Variants in ARHGEF11 observed in about 807,000 individuals in gnomAD.
ARHGEF11 encodes Rho guanine nucleotide exchange factor 11, also known as Rho guanine exchange factor (GEF) 11.
In ARHGEF11, 55 loss-of-function variants were observed where a neutral mutation model predicts 193.7. That is an observed-to-expected ratio of 0.28 (90% CI 0.23 to 0.36). The LOEUF is 0.36. Among genes scored for constraint, ARHGEF11 ranks in the 10% least tolerant of loss-of-function variants. ARHGEF11 has a pLI of 1.00. For missense variants in ARHGEF11, 1,723 were observed against 2,005.6 expected, an observed-to-expected ratio of 0.86 and a Z score of 2.69; for synonymous variants, 693 against 768.0, an observed-to-expected ratio of 0.90 and a Z score of 1.62.
chr1:156,952,700 T>C (rs1394299320), intron 21 of ARHGEF11, among the ~76,000 whole-genome samples: 1 of 152,282 alleles, frequency 6.6e-6, no homozygotes, highest in Non-Finnish European at 1.5e-5. Flanking sequence ...AGCTGCTGTC[T>C]TCACAGTTTA....
Position 157,045,602 on chromosome 1 carries a change from G to A in ARHGEF11, c.-1272C>T, listed in dbSNP as rs545639266. Among the ~76,000 whole-genome samples, 2 of 151,652 alleles carry A rather than the reference G, an allele frequency of 1.3e-5. No individual in the cohort carries two copies. Among genetic ancestry groups the A allele is most frequent in the East Asian group, 3.9e-4 (2 of 5,158 alleles). ...CGCAGTGCCTCGCGCAGGACGCCCGGCCGGGCCTCGGGCTCCCGGCGCCGC... is the reference window on the plus strand; with the variant it reads ...CGCAGTGCCTCGCGCAGGACGCCCGACCGGGCCTCGGGCTCCCGGCGCCGC... On this transcript the variant is annotated 5_prime_UTR_variant, in exon 1 of 41. Transcript: ENST00000368194.
intron 7 of ARHGEF11, among the ~76,000 whole-genome samples, chr1:156,972,835 A>AC (rs112408826): frequency 0.22 from 33,722 of 152,028 alleles, 3,948 homozygotes; most frequent in East Asian, 0.36. Flanking sequence ...CAAAAAGTTA[A>AC]CCCTCTGACT....
chr1:156,980,390 A>T, intron 4 of ARHGEF11, 47 bp downstream of exon 4: 1 of 1,582,464 alleles, frequency 6.3e-7, no homozygotes, highest in Non-Finnish European at 8.6e-7. Flanking sequence ...TGCCCTGCAC[A>T]TCTATTTCCA....
At chr1:157,020,773 A>T (rs1235192820) in intron 1 of ARHGEF11, among the ~76,000 whole-genome samples, 2 of 151,900 alleles carry the variant, frequency 1.3e-5, no homozygotes, top group African/African-American at 4.9e-5. Context: ...ATGAATGGTC[A>T]TTTTTTTCCT....
intron 1 of ARHGEF11, among the ~76,000 whole-genome samples, chr1:157,032,824 G>A (rs945377825): frequency 6.6e-6 from 1 of 151,996 alleles, no homozygotes; most frequent in Non-Finnish European, 1.5e-5. Context: ...TGTCCTTTTC[G>A]TCCATGACCT....
rs780986330 is a variant in ARHGEF11 at position 156,980,408 on chromosome 1, G to T, written c.273+29C>A. 13 of 1,597,194 alleles carry T rather than the reference G, an allele frequency of 8.1e-6. No homozygotes were observed. The South Asian group carries it at 1.0e-4, about 13-fold the overall frequency. On this transcript the variant is annotated intron_variant, in intron 4 of 40. Transcript: ENST00000368194. ...CCTGCACATCTATTTCCACTGCTGG[G>T]AGTGGGAGTGTGTGTTGGGGTCACT... is the stretch of plus-strand genomic sequence containing the variant.
intron 40 of ARHGEF11, 89 bp from the exon 41 acceptor site, chr1:156,936,147 C>T (rs760175837): frequency 2.3e-6 from 3 of 1,320,390 alleles, no homozygotes; most frequent in African/African-American, 1.5e-5. Flanking sequence ...CTCACGAGAA[C>T]AGATCCTTCA....
chr1:156,996,768 G>A (rs1403791830), intron 1 of ARHGEF11, among the ~76,000 whole-genome samples: 1 of 72,122 alleles, frequency 1.4e-5, no homozygotes, highest in Non-Finnish European at 2.3e-5. Context: ...GCGAGACTCT[G>A]TCTCAAAAAA....
intron 1 of ARHGEF11, among the ~76,000 whole-genome samples, chr1:157,043,974 G>GCC (rs1011390240): frequency 6.6e-6 from 1 of 151,656 alleles, no homozygotes; most frequent in East Asian, 1.9e-4. Flanking sequence ...AGACTGGCTT[G>GCC]CCCCCACCTG....
At chr1:156,955,001 C>T (rs1034254483) in intron 20 of ARHGEF11, 80 bp from the exon 21 acceptor site, 5 of 1,309,242 alleles carry the variant, frequency 3.8e-6, no homozygotes, top group African/African-American at 3.0e-5. Context: ...AAAATTACAT[C>T]AAGCCAAAAA....
At chr1:157,018,365 C>T (rs192972134) in intron 1 of ARHGEF11, among the ~76,000 whole-genome samples, 145 of 151,938 alleles carry the variant, frequency 9.5e-4, no homozygotes, top group South Asian at 3.1e-3. Flanking sequence ...AAAGACCAGC[C>T]GGGCGCGGTG....
At chr1:156,963,853 G>T in intron 11 of ARHGEF11, 1 of 1,074,462 alleles carries the variant, frequency 9.3e-7, no homozygotes, top group Non-Finnish European at 1.2e-6. Flanking sequence ...GGAAGTAGGA[G>T]AAAATGCTCT....
At chr1:156,963,164 C>T in intron 13 of ARHGEF11, 39 bp downstream of exon 13, 7 of 1,523,546 alleles carry the variant, frequency 4.6e-6, no homozygotes, top group East Asian at 4.5e-5. Context: ...CTGCCCAGTA[C>T]CAGCAGGCAC....
chr1:156,974,332 T>C (rs1009076948), intron 7 of ARHGEF11, among the ~76,000 whole-genome samples: 7 of 152,170 alleles, frequency 4.6e-5, no homozygotes, highest in African/African-American at 1.7e-4. Flanking sequence ...CTTCCCAAAG[T>C]GCTGGGATTA....
At chr1:156,961,162 C>T (rs192088433) in intron 14 of ARHGEF11, among the ~76,000 whole-genome samples, 3 of 152,220 alleles carry the variant, frequency 2.0e-5, no homozygotes, top group Non-Finnish European at 2.9e-5. Flanking sequence ...CTCTTGCCAG[C>T]GGGATCCCTG....
At chr1:157,026,094 G>C (rs1031836053) in intron 1 of ARHGEF11, among the ~76,000 whole-genome samples, 1 of 152,200 alleles carries the variant, frequency 6.6e-6, no homozygotes, top group African/African-American at 2.4e-5. Flanking sequence ...CCAATTCTCA[G>C]TGAAGAGTCC....
In ARHGEF11 at chr1:156,939,814, G is replaced by A; in HGVS notation, c.3830C>T (p.Thr1277Ile). ...AGAGGTGACGCTGATGACAGAAGGT[G>A]TGGGTGTCAGGTCGTCCTCGGGCTC... ...AQEPEDDLTP[T>I]PSVISVTSHP... The change falls in exon 37 of 41, where the codon ACA becomes ATA. Residue 1277 changes from threonine to isoleucine, a missense_variant. This residue lies in a region of ARHGEF11 where 203 missense variants were observed against 237.3 expected (regional missense o/e 0.86). Coordinates refer to ENST00000368194, the MANE Select transcript of ARHGEF11 (RefSeq NM_198236.3). 1 of 1,613,752 alleles carries A rather than the reference G, an allele frequency of 6.2e-7. No homozygotes were observed.
chr1:156,978,484 C>T, intron 5 of ARHGEF11, 102 bp from the exon 6 acceptor site: 1 of 1,435,884 alleles, frequency 7.0e-7, no homozygotes, highest in Non-Finnish European at 9.1e-7. Context: ...TCATTAAACT[C>T]ATTATTCTGT....
chr1:157,040,223 GAC>G (rs2103090417), intron 1 of ARHGEF11, among the ~76,000 whole-genome samples: 1 of 152,262 alleles, frequency 6.6e-6, no homozygotes, highest in African/African-American at 2.4e-5. Flanking sequence ...TTTTGGAAAA[GAC>G]TCAGCATTTC....
Sources: allele counts gnomAD v4.1 joint callset (sites outside exome capture counted in the v4.1 genomes callset), GRCh38; gene constraint gnomAD v4.1.1; regional missense constraint gnomAD v4.1.1; transcripts MANE v1.5; gene names NCBI Gene and HGNC (gene_info 2026-07-23, HGNC 2026-07-21).